Variants in BCL2L14 observed in about 807,000 individuals in gnomAD.
BCL2L14 encodes the protein apoptosis facilitator Bcl-2-like protein 14.
Under a neutral mutation model 35.3 loss-of-function variants are expected in BCL2L14, and 27 were observed. That is an observed-to-expected ratio of 0.76 (90% CI 0.56 to 1.05). BCL2L14 has a LOEUF of 1.05. BCL2L14 is among the 50% of genes least tolerant of loss of function. The pLI is 0.00. For synonymous variants in BCL2L14, 139 were observed against 145.9 expected (o/e 0.95, Z 0.34); for missense variants, 377 against 382.6 (o/e 0.99, Z 0.12).
intron 2 of BCL2L14, chr12:12,054,617 A>G (rs952954541): frequency 2.6e-5 from 4 of 151,916 alleles, no homozygotes; most frequent in African/African-American, 7.3e-5. Flanking sequence ...GCGTCCTCAC[A>G]TCTTCTACAC....
intron 1 of BCL2L14, among the ~76,000 whole-genome samples, chr12:12,077,382 A>C (rs941292622): frequency 2.0e-5 from 3 of 152,036 alleles, no homozygotes; most frequent in Non-Finnish European, 2.9e-5. Flanking sequence ...TCTCTAAAAG[A>C]CAAAACAAAA....
intron 2 of BCL2L14, among the ~76,000 whole-genome samples, chr12:12,065,133 T>G (rs1948579205): frequency 6.6e-6 from 1 of 152,164 alleles, no homozygotes; most frequent in Admixed American, 6.5e-5. Context: ...AGTTTATTAT[T>G]AACACATGCA....
intron 1 of BCL2L14, 24 bp from the exon 2 acceptor site, chr12:12,079,273 GCA>G: frequency 6.3e-7 from 1 of 1,594,008 alleles, no homozygotes; most frequent in Non-Finnish European, 8.6e-7. Context: ...GCATAGAAGG[GCA>G]CAGTGTGGAC....
At chr12:12,067,538 G>T (rs1422502051), upstream of BCL2L14, among the ~76,000 whole-genome samples, 3 of 152,074 alleles carry the variant, frequency 2.0e-5, no homozygotes, top group Admixed American at 2.0e-4. Flanking sequence ...GGAACAGAGT[G>T]AGACTCTGTC....
chr12:12,083,566 T>C (rs1404612554), intron 2 of BCL2L14, among the ~76,000 whole-genome samples: 1 of 152,176 alleles, frequency 6.6e-6, no homozygotes, highest in Non-Finnish European at 1.5e-5. Flanking sequence ...TTAAATAATA[T>C]ACAGGTTTGC....
chr12:12,079,831 T>C, intron 2 of BCL2L14, 93 bp downstream of exon 2: 1 of 1,306,350 alleles, frequency 7.7e-7, no homozygotes, highest in Non-Finnish European at 1.1e-6. Flanking sequence ...GTAAAGTGGC[T>C]TTAGAGAAGG....
At chr12:12,087,543 C>G (rs923191071) in intron 3 of BCL2L14, among the ~76,000 whole-genome samples, 157 bp downstream of exon 3, 1 of 152,238 alleles carries the variant, frequency 6.6e-6, no homozygotes, top group Admixed American at 6.5e-5. Flanking sequence ...CAGCTTGAGA[C>G]ACCAGCCCAA....
Position 12,099,070 on chromosome 12 carries a change from C to G in BCL2L14, c.*82C>G. 1 of 1,004,502 alleles carries G rather than the reference C, an allele frequency of 1.0e-6. No individual in the cohort carries two copies. The highest frequency in any genetic ancestry group is 1.6e-6 in the Non-Finnish European group (1 of 629,734). 62.2% of individuals were successfully genotyped at this position (1,004,502 alleles called of 1,614,324 possible). On this transcript the variant is annotated 3_prime_UTR_variant, in exon 6 of 6. Coordinates refer to ENST00000308721, the MANE Select transcript of BCL2L14 (RefSeq NM_138723.2). ...GCCTCAGATGGACTACAGGAGATTACAACGTACAAGGCAGATGGAGCATTG... is the reference window on the plus strand; with the variant it reads ...GCCTCAGATGGACTACAGGAGATTAGAACGTACAAGGCAGATGGAGCATTG...
chr12:12,050,132 C>T (rs971427630), intron 1 of BCL2L14, among the ~76,000 whole-genome samples: 4 of 152,070 alleles, frequency 2.6e-5, no homozygotes, highest in African/African-American at 7.2e-5. Flanking sequence ...GGAATGAGGC[C>T]AGGTGGCAGA....
chr12:12,070,265 A>G (rs553849372), upstream of BCL2L14, among the ~76,000 whole-genome samples: 1 of 152,362 alleles, frequency 6.6e-6, no homozygotes, highest in Admixed American at 6.5e-5. Context: ...GTAAAGCCAG[A>G]AAGAGCACGA....
In BCL2L14 at chr12:12,050,810, A is replaced by G. The variant is rs199647618; in HGVS notation, c.-324+856A>G. 1.5e-4 allele frequency among the ~76,000 whole-genome samples: 17 copies of G among 110,096 alleles called. 1 individual carries two copies. The highest frequency in any genetic ancestry group is 3.6e-4 in the African/African-American group (12 of 32,964). 72.2% of individuals were successfully genotyped at this position (110,096 alleles called of 152,430 possible). On this transcript the variant is annotated intron_variant, in intron 1 of 3. Coordinates refer to the BCL2L14 transcript ENST00000461264. ...TGATGAGCTAAAAAAAAAAAAAAAAAAAAGAAAAGAAAAGAAAAGAAAAAA... is the reference window on the plus strand; with the variant it reads ...TGATGAGCTAAAAAAAAAAAAAAAAGAAAGAAAAGAAAAGAAAAGAAAAAA...
chr12:12,087,834 T>A (rs1275272269), intron 3 of BCL2L14, among the ~76,000 whole-genome samples: 1 of 152,172 alleles, frequency 6.6e-6, no homozygotes, highest in Non-Finnish European at 1.5e-5. Flanking sequence ...GTGCAAGACA[T>A]GGAGCAGAAC....
intron 2 of BCL2L14, among the ~76,000 whole-genome samples, chr12:12,056,730 G>C (rs1050578200): frequency 6.6e-6 from 1 of 152,326 alleles, no homozygotes; most frequent in Non-Finnish European, 1.5e-5. Flanking sequence ...CTACTCAGGA[G>C]GCTGAGGCAG....
intron 5 of BCL2L14, chr12:12,095,192 T>C: frequency 1.0e-6 from 1 of 985,238 alleles, no homozygotes; most frequent in Non-Finnish European, 1.2e-6. Context: ...GAACAGGAAA[T>C]GAGGAGATGC....
At chr12:12,095,754 C>T (rs1032652135) in intron 5 of BCL2L14, 2 of 985,406 alleles carry the variant, frequency 2.0e-6, no homozygotes, top group Non-Finnish European at 2.4e-6. Context: ...GACCTCCACA[C>T]AGCCTTGGTC....
At chr12:12,092,694 T>C (rs1351434575) in intron 4 of BCL2L14, among the ~76,000 whole-genome samples, 1 of 152,102 alleles carries the variant, frequency 6.6e-6, no homozygotes, top group African/African-American at 2.4e-5. Context: ...CCTGGCCTCC[T>C]CCATTGGGAA....
intron 2 of BCL2L14, among the ~76,000 whole-genome samples, chr12:12,052,898 G>C (rs1226964660): frequency 6.6e-6 from 1 of 152,224 alleles, no homozygotes; most frequent in Non-Finnish European, 1.5e-5. Context: ...AAGCCTAAAA[G>C]TGAGAAGCCT....
At chr12:12,057,861 A>AGT (rs1411884563) in intron 2 of BCL2L14, among the ~76,000 whole-genome samples, 1 of 141,660 alleles carries the variant, frequency 7.1e-6, no homozygotes, top group Non-Finnish European at 1.6e-5. Context: ...CCTTAAAGAC[A>AGT]GTGCCTGGGC....
chr12:12,066,720 T>A (rs1460656323), upstream of BCL2L14, among the ~76,000 whole-genome samples: 9 of 151,300 alleles, frequency 5.9e-5, no homozygotes, highest in South Asian at 6.3e-4. Context: ...TTATTATTTT[T>A]TTTTTTTTTT....
Sources: allele counts gnomAD v4.1 joint callset (sites outside exome capture counted in the v4.1 genomes callset), GRCh38; gene constraint gnomAD v4.1.1; transcripts MANE v1.5; gene names NCBI Gene and HGNC (gene_info 2026-07-23, HGNC 2026-07-21).